The following SLC25A23 variants were observed in gnomAD, a reference collection of about 807,000 sequenced individuals.
SLC25A23 encodes the protein solute carrier family 25 member 23.
Under a neutral mutation model 53.9 loss-of-function variants are expected in SLC25A23, and 32 were observed. The ratio of observed to expected loss-of-function variants is 0.59; its 90% confidence interval spans 0.45 to 0.80. The LOEUF (loss-of-function observed/expected upper bound fraction) is 0.80, where lower values mean the gene tolerates loss of function less well. SLC25A23 is among the 30% of genes least tolerant of loss of function. The pLI, the probability that SLC25A23 is intolerant of heterozygous loss-of-function variation, is 0.00. For synonymous variants in SLC25A23, 275 were observed against 264.5 expected, an observed-to-expected ratio of 1.04 and a Z score of -0.38; for missense variants, 575 against 651.4, an observed-to-expected ratio of 0.88 and a Z score of 1.28.
At chr19:6,447,678 G>T (rs1205956238) in intron 8 of SLC25A23, among the ~76,000 whole-genome samples, 1 of 148,318 alleles carries the variant, frequency 6.7e-6, no homozygotes, top group African/African-American at 2.5e-5. Context: ...CTAATTTTTT[G>T]CTTTTTTTTT....
In SLC25A23 at chr19:6,442,087, C is replaced by G; in HGVS notation, c.1295G>C (p.Arg432Pro). 1 of 1,611,942 alleles carries G rather than the reference C, an allele frequency of 6.2e-7. No individual in the cohort carries two copies. The highest frequency in any genetic ancestry group is 8.5e-7 in the Non-Finnish European group (1 of 1,179,214). ...LRHILSQEGM[R>P]GLYRGIAPNF... Reference sequence around the variant, plus strand: ...GGGGGCGATCCCCCGGTAGAGGCCCCGCATGCCCTCCTGGGACAGGATGTG... The same window carrying G: ...GGGGGCGATCCCCCGGTAGAGGCCCGGCATGCCCTCCTGGGACAGGATGTG... Residue 432 changes from arginine (R) to proline (P), a missense_variant, in exon 10 of 10, where the codon CGG becomes CCG. Arg to Pro is a moderately radical substitution (Grantham distance 103). Coordinates refer to ENST00000301454, the MANE Select transcript of SLC25A23 (RefSeq NM_024103.3).
Position 6,457,488 on chromosome 19 carries a change from C to A in SLC25A23, c.371+15G>T, listed in dbSNP as rs757165030. On this transcript the variant is annotated intron_variant, in intron 3 of 9. Coordinates refer to ENST00000301454, the MANE Select transcript of SLC25A23 (RefSeq NM_024103.3). ...GTCCTGAGTTACTTTGGATTCCAGA[C>A]CCCCAGCGACTCACCTGTGCAAAAT... 5.6e-6 allele frequency: 9 copies of A among 1,612,142 alleles called. No individual in the cohort carries two copies. The highest frequency in any genetic ancestry group is 1.7e-5 in the Admixed American group (1 of 59,984).
chr19:6,436,338 T>C, downstream of SLC25A23: 1 of 446,446 alleles, frequency 2.2e-6, no homozygotes, highest in Non-Finnish European at 4.6e-6. Flanking sequence ...GGAATTCAAC[T>C]GATAGAATTG....
At position 6,440,981 on chromosome 19, in the gene SLC25A23, T is replaced by C. The variant is rs1379743949; in HGVS notation, c.*994A>G. 1 of 152,276 alleles carries C rather than the reference T, an allele frequency of 6.6e-6. No homozygotes were observed. Among genetic ancestry groups the C allele is most frequent in the African/African-American group, 2.4e-5 (1 of 41,542 alleles). 9.4% of individuals were successfully genotyped at this position (152,276 alleles called of 1,614,324 possible). The stretch of plus-strand genomic sequence containing the variant: ...AGATGAGGTTTCAACATTGAGGGAC[T>C]GGGCAGAGGGATTGGGGACCCAGAA... On this transcript the variant is annotated 3_prime_UTR_variant, in exon 10 of 10. Coordinates refer to ENST00000301454, the MANE Select transcript of SLC25A23 (RefSeq NM_024103.3).
chr19:6,444,254 G>A lies in SLC25A23; in HGVS notation c.1119C>T (p.Asp373=). The A allele has an allele frequency of 2.5e-6, 4 of 1,606,182 alleles. No homozygotes were observed. Among genetic ancestry groups the A allele is most frequent in the Non-Finnish European group, 3.4e-6 (4 of 1,177,064 alleles). The change falls in exon 9 of 10, where the codon GAC becomes GAT. Residue 373 remains aspartate (D), a synonymous_variant. Coordinates refer to ENST00000301454, the MANE Select transcript of SLC25A23 (RefSeq NM_024103.3). ...AGGCCAGGAGCACGAGGATGCCTGG[G>A]TCTGCCGAGTCGTGGCTGTACTGCT... The part of the protein sequence containing the change: ...WLQQYSHDSA[D]PGILVLLACG...
Position 6,454,371 on chromosome 19 carries a change from T to C in SLC25A23, c.747A>G (p.Val249=). The C allele has an allele frequency of 1.2e-6, 2 of 1,614,026 alleles. No homozygotes were observed. The highest frequency in any genetic ancestry group is 3.3e-5 in the Admixed American group (2 of 59,998). ...TAGCTGACTCGGGGGCAATCTTGAG[T>C]ACATTAATACCATTGCCGCGCCACA... ...RSLWRGNGIN[V]LKIAPESAIK... The change falls in exon 6 of 10, where the codon GTA becomes GTG. Residue 249 remains valine (V), a synonymous_variant. Coordinates refer to ENST00000301454, the MANE Select transcript of SLC25A23 (RefSeq NM_024103.3). This position sits in a 1 kb window ranked among gnomAD's most constrained non-coding sequence, Gnocchi z 4.3.
Position 6,459,659 on chromosome 19 carries a change from G to T in SLC25A23, c.-31C>A. Reference sequence around the variant, plus strand: ...CCGCCCGGGGGGGAGGGGAGGCCCGGCAGCGGCGGCCTCAGTGGGGGCTTC... The same window carrying T: ...CCGCCCGGGGGGGAGGGGAGGCCCGTCAGCGGCGGCCTCAGTGGGGGCTTC... On this transcript the variant is annotated 5_prime_UTR_variant, in exon 1 of 10. Coordinates refer to ENST00000301454, the MANE Select transcript of SLC25A23 (RefSeq NM_024103.3). This position sits in a 1 kb window ranked among gnomAD's most constrained non-coding sequence, Gnocchi z 4.6. The T allele has an allele frequency of 1.5e-6, 2 of 1,328,498 alleles. No individual in the cohort carries two copies. Among genetic ancestry groups the T allele is most frequent in the Non-Finnish European group, 1.9e-6 (2 of 1,046,780 alleles). The allele number at this position is 1,328,498 out of a possible 1,614,324, so 82.3% of individuals were successfully genotyped here.
chr19:6,445,418 T>C (rs1167698467), intron 8 of SLC25A23, among the ~76,000 whole-genome samples: 2 of 152,190 alleles, frequency 1.3e-5, no homozygotes, highest in Non-Finnish European at 2.9e-5. Context: ...ACAAGGGCCC[T>C]TCTAAGAGTT....
intron 9 of SLC25A23, among the ~76,000 whole-genome samples, chr19:6,442,993 C>T (rs1187042939): frequency 1.4e-5 from 2 of 140,250 alleles, no homozygotes; most frequent in Admixed American, 7.6e-5. Context: ...GGCTGGAGTG[C>T]GATGGCACGA....
chr19:6,445,265 C>T (rs1193617252), intron 8 of SLC25A23, among the ~76,000 whole-genome samples: 6 of 152,222 alleles, frequency 3.9e-5, no homozygotes, highest in South Asian at 4.2e-4. Context: ...TGTGCCATCA[C>T]GCCCAGCTAA....
At position 6,444,242 on chromosome 19, in the gene SLC25A23, G is replaced by A; in HGVS notation, c.1131C>T (p.Leu377=). 1.9e-6 allele frequency: 3 copies of A among 1,605,988 alleles called. No homozygotes were observed. The highest frequency in any genetic ancestry group is 2.2e-5 in the East Asian group (1 of 44,654). ...YSHDSADPGI[L]VLLACGTISS... is the part of the protein sequence containing the mutation. ...ATATGGTACCGCAGGCCAGGAGCAC[G>A]AGGATGCCTGGGTCTGCCGAGTCGT... The change falls in exon 9 of 10, where the codon CTC becomes CTT. Residue 377 remains leucine (L), a synonymous_variant. Transcript: ENST00000301454.
At chr19:6,438,315 G>C (rs113788047), downstream of SLC25A23, 2,803 of 151,926 alleles carry the variant, frequency 0.018, 36 homozygotes, top group South Asian at 0.038. Context: ...AACTGCATCT[G>C]AAAAAAAGGA....
chr19:6,449,496 G>A (rs1486334017), intron 8 of SLC25A23, among the ~76,000 whole-genome samples: 2 of 151,438 alleles, frequency 1.3e-5, no homozygotes, highest in Non-Finnish European at 2.9e-5. Context: ...CTCACTGCAA[G>A]CTCCGCTTCC....
chr19:6,444,633 A>C (rs914725347), intron 8 of SLC25A23, among the ~76,000 whole-genome samples: 1 of 152,144 alleles, frequency 6.6e-6, no homozygotes, highest in African/African-American at 2.4e-5. Flanking sequence ...TGAGTGGCCC[A>C]ATGCCATCAC....
intron 9 of SLC25A23, among the ~76,000 whole-genome samples, chr19:6,442,932 C>A (rs1478065371): frequency 1.4e-4 from 20 of 141,940 alleles, no homozygotes; most frequent in Admixed American, 1.4e-3. Flanking sequence ...CCATGCCCAG[C>A]CCTTTTTTTT....
chr19:6,450,227 C>A lies in SLC25A23; in HGVS notation c.1071+2085G>T, dbSNP rs977369102. Among the ~76,000 whole-genome samples, 5 of 152,036 alleles carry A rather than the reference C, an allele frequency of 3.3e-5. No individual in the cohort carries two copies. The East Asian group carries it at 5.8e-4, about 18-fold the overall frequency. ...CTGTACCCTGCCCTGATCAGTCCCC[C>A]CCAGACACCTAAGACTTCCACTCCT... is the stretch of plus-strand genomic sequence containing the variant. On this transcript the variant is annotated intron_variant, in intron 8 of 9. Coordinates refer to ENST00000301454, the MANE Select transcript of SLC25A23 (RefSeq NM_024103.3).
chr19:6,443,951 A>G (rs1173774673), intron 9 of SLC25A23, among the ~76,000 whole-genome samples, 200 bp downstream of exon 9: 1 of 152,156 alleles, frequency 6.6e-6, no homozygotes, highest in Admixed American at 6.6e-5. Context: ...CTCTTCCTGT[A>G]CCCACTGCAC....
intron 8 of SLC25A23, among the ~76,000 whole-genome samples, chr19:6,451,782 T>C (rs988065196): frequency 5.9e-5 from 9 of 151,808 alleles, no homozygotes; most frequent in Non-Finnish European, 1.0e-4. Context: ...CTGGGTCTGA[T>C]ACTTGCTTCG....
chr19:6,439,889 A>T (rs905017899), downstream of SLC25A23, among the ~76,000 whole-genome samples: 46 of 152,226 alleles, frequency 3.0e-4, no homozygotes, highest in Admixed American at 7.9e-4. Flanking sequence ...GGTTATAAAC[A>T]GGGACTCCCT....
Sources: allele counts gnomAD v4.1 joint callset (sites outside exome capture counted in the v4.1 genomes callset), GRCh38; gene constraint gnomAD v4.1.1; non-coding constraint Gnocchi (gnomAD v3.1); transcripts MANE v1.5; gene names NCBI Gene and HGNC (gene_info 2026-07-23, HGNC 2026-07-21).